The following LSP1 variants were observed in gnomAD, a reference collection of about 807,000 sequenced individuals.
LSP1 encodes lymphocyte-specific protein 1.
In LSP1, 32 loss-of-function variants were observed where a neutral mutation model predicts 49.3. That is an observed-to-expected ratio of 0.65 (90% CI 0.49 to 0.87). The LOEUF (loss-of-function observed/expected upper bound fraction) is 0.87, where lower values mean the gene tolerates loss of function less well. LSP1 is among the 40% of genes least tolerant of loss of function. LSP1 has a pLI of 0.00. For synonymous variants in LSP1, 179 were observed against 178.8 expected (o/e 1.00, Z -0.01); for missense variants, 428 against 442.6 (o/e 0.97, Z 0.30).
rs1000256358 is a variant in LSP1, at chr11:1,866,331, G to A, written c.53+13134G>A. 6.9e-6 allele frequency: 5 copies of A among 723,218 alleles called. No individual in the cohort carries two copies. In the African/African-American group the frequency reaches 8.9e-5, roughly 13 times the overall value. 44.8% of individuals were successfully genotyped at this position (723,218 alleles called of 1,614,324 possible). ...GGCTTGCCACTGCCCACCCAGGCCA[G>A]GCACTCAGTGCTGAGACTCTGAGAG... On this transcript the variant is annotated intron_variant, in intron 1 of 10. Coordinates refer to ENST00000311604, the MANE Select transcript of LSP1 (RefSeq NM_002339.3).
At chr11:1,885,362 G>A (rs1245701700) in intron 7 of LSP1, among the ~76,000 whole-genome samples, 1 of 151,778 alleles carries the variant, frequency 6.6e-6, no homozygotes, top group Non-Finnish European at 1.5e-5. Flanking sequence ...CCAACCAATA[G>A]TCCTTCATCC....
chr11:1,877,245 G>C (rs4047070), intron 1 of LSP1, among the ~76,000 whole-genome samples: 12 of 152,190 alleles, frequency 7.9e-5, no homozygotes, highest in African/African-American at 2.9e-4. Flanking sequence ...GGAATAGTGA[G>C]GGGGTGAGGT....
intron 1 of LSP1, among the ~76,000 whole-genome samples, chr11:1,854,782 A>G (rs923832072): frequency 2.6e-5 from 4 of 152,156 alleles, no homozygotes; most frequent in African/African-American, 9.7e-5. Flanking sequence ...CACCACCCCC[A>G]GCCCTGGACT....
At chr11:1,861,428 T>C (rs1847625294) in intron 1 of LSP1, among the ~76,000 whole-genome samples, 1 of 152,220 alleles carries the variant, frequency 6.6e-6, no homozygotes, top group African/African-American at 2.4e-5. Flanking sequence ...TACAGATTTA[T>C]TGAATAAATA....
intron 1 of LSP1, among the ~76,000 whole-genome samples, chr11:1,859,929 T>C (rs569934102): frequency 2.0e-5 from 3 of 152,314 alleles, no homozygotes; most frequent in African/African-American, 7.2e-5. Flanking sequence ...CCTGTCCCCA[T>C]GGGCTCTCTC....
chr11:1,887,674 G>C (rs1031964176), intron 10 of LSP1, 98 bp downstream of exon 10: 8 of 923,604 alleles, frequency 8.7e-6, no homozygotes, highest in Admixed American at 4.8e-5. Flanking sequence ...CCTGTTGCAG[G>C]CTACAAGGGT....
chr11:1,868,432 C>T (rs1847867783), intron 1 of LSP1, among the ~76,000 whole-genome samples: 1 of 152,262 alleles, frequency 6.6e-6, no homozygotes, highest in Admixed American at 6.5e-5. Flanking sequence ...CCACACCGTG[C>T]TTGGCTCTCC....
At chr11:1,878,487 G>A (rs1008296424) in intron 1 of LSP1, among the ~76,000 whole-genome samples, 1 of 152,154 alleles carries the variant, frequency 6.6e-6, no homozygotes, top group South Asian at 2.1e-4. Context: ...GGGCGCGGGG[G>A]GCGGGGTGCA....
At chr11:1,879,972 G>T in intron 1 of LSP1, 115 bp from the exon 2 acceptor site, 2 of 1,305,606 alleles carry the variant, frequency 1.5e-6, no homozygotes, top group South Asian at 2.7e-5. Flanking sequence ...TGACCTCGTG[G>T]ACAGGGCTGC....
rs191062353 is a variant in LSP1, at chr11:1,857,379, C to T, written c.53+4182C>T. Among the ~76,000 whole-genome samples, 215 of 152,326 alleles carry T rather than the reference C, an allele frequency of 1.4e-3. 1 individual carries two copies. The highest frequency in any genetic ancestry group is 4.8e-3 in the African/African-American group (201 of 41,580). On this transcript the variant is annotated intron_variant, in intron 1 of 10. Transcript: ENST00000311604. ...GTGGCAGGATGGTGGGCCTCTGCTC[C>T]GCTACCCTACGGGCCAGCCTGTCTC...
At chr11:1,860,271 ATGAT>A (rs1410650338) in intron 1 of LSP1, among the ~76,000 whole-genome samples, 4 of 151,714 alleles carry the variant, frequency 2.6e-5, no homozygotes, top group Admixed American at 2.6e-4. Flanking sequence ...GGATAATTGA[ATGAT>A]GGATGGATGG....
intron 1 of LSP1, among the ~76,000 whole-genome samples, chr11:1,857,555 C>T (rs1847520458): frequency 6.6e-6 from 1 of 152,212 alleles, no homozygotes; most frequent in African/African-American, 2.4e-5. Context: ...AGTCCCAGCC[C>T]CTGAGATCCC....
At chr11:1,875,562 C>T (rs982375624) in intron 1 of LSP1, among the ~76,000 whole-genome samples, 6 of 152,222 alleles carry the variant, frequency 3.9e-5, no homozygotes, top group South Asian at 2.1e-4. Context: ...CTGCTCCGGG[C>T]GGCTCATCAC....
chr11:1,872,223 G>A (rs1455257240), intron 1 of LSP1, among the ~76,000 whole-genome samples: 1 of 136,730 alleles, frequency 7.3e-6, no homozygotes, highest in African/African-American at 2.8e-5. Flanking sequence ...TGTGTGGTGG[G>A]CAGGCCTGGG....
Position 1,884,439 on chromosome 11 carries a change from T to C in LSP1, c.636-61T>C. ...ACCGAGGGGGGCTCTGGGAGAGGCT[T>C]GGGCAGGTTGGGAGAAGCCTTGTGG... is the stretch of plus-strand genomic sequence containing the variant. On this transcript the variant is annotated intron_variant, in intron 6 of 10. Coordinates refer to ENST00000311604, the MANE Select transcript of LSP1 (RefSeq NM_002339.3). The surrounding 1 kb of genome is among the most constrained non-coding windows in gnomAD (Gnocchi z 4.1). The C allele has an allele frequency of 6.2e-7, 1 of 1,602,892 alleles. No homozygotes were observed. Among genetic ancestry groups the C allele is most frequent in the Non-Finnish European group, 8.5e-7 (1 of 1,169,944 alleles).
chr11:1,872,045 G>A (rs1485081523), intron 1 of LSP1, among the ~76,000 whole-genome samples: 1 of 143,486 alleles, frequency 7.0e-6, no homozygotes, highest in Non-Finnish European at 1.5e-5. Flanking sequence ...GCAGGCCTGG[G>A]CTATAGTCAC....
chr11:1,882,853 C>T (rs1848602260), intron 3 of LSP1, among the ~76,000 whole-genome samples: 1 of 152,166 alleles, frequency 6.6e-6, no homozygotes, highest in Non-Finnish European at 1.5e-5. Flanking sequence ...AGGTTCAGTC[C>T]TGCTCAAATG....
At chr11:1,869,612 C>T (rs527413542) in intron 1 of LSP1, 1 of 467,370 alleles carries the variant, frequency 2.1e-6, no homozygotes, top group South Asian at 1.5e-5. Flanking sequence ...CTAGCAGGTG[C>T]CGGGGCAGAA....
chr11:1,886,325 C>T (rs1350617589), intron 7 of LSP1, among the ~76,000 whole-genome samples: 2 of 152,126 alleles, frequency 1.3e-5, no homozygotes, highest in African/African-American at 2.4e-5. Flanking sequence ...AATCAATATT[C>T]CTTCATCTAT....
Sources: allele counts gnomAD v4.1 joint callset (sites outside exome capture counted in the v4.1 genomes callset), GRCh38; gene constraint gnomAD v4.1.1; non-coding constraint Gnocchi (gnomAD v3.1); transcripts MANE v1.5; gene names NCBI Gene and HGNC (gene_info 2026-07-23, HGNC 2026-07-21).